GATD1: variants seen among roughly 807,000 people sequenced by gnomAD.
The protein encoded by GATD1 is glutamine amidotransferase class 1 domain containing 1, also known as glutamine amidotransferase-like class 1 domain-containing protein 1.
GATD1 carries 23 observed loss-of-function variants against 25.9 expected under a neutral mutation model. That is an observed-to-expected ratio of 0.89 (90% CI 0.64 to 1.26). GATD1 has a LOEUF of 1.26. Among genes scored for constraint, GATD1 ranks in the 50% most tolerant of loss-of-function variants. GATD1 has a pLI of 0.00. For synonymous variants in GATD1, 177 were observed against 134.6 expected (o/e 1.31, Z -2.18); for missense variants, 347 against 312.5 (o/e 1.11, Z -0.83).
In GATD1 at chr11:767,598, G is replaced by GC. The variant is rs1863126118; in HGVS notation, c.*3298dup. On this transcript the variant is annotated 3_prime_UTR_variant, in exon 8 of 8. Transcript: ENST00000319863. ...CAGAGGGGCTCAATGAGGCTCACTGGCTCTTCATGCACCCTGCTGTGGCCT... is the reference window on the plus strand; with the variant it reads ...CAGAGGGGCTCAATGAGGCTCACTGGCCTCTTCATGCACCCTGCTGTGGCCT... 2 of 1,395,542 alleles carry GC rather than the reference G, an allele frequency of 1.4e-6. No individual in the cohort carries two copies. The highest frequency in any genetic ancestry group is 6.5e-5 in the Admixed American group (2 of 30,540). 86.4% of individuals were successfully genotyped at this position (1,395,542 alleles called of 1,614,324 possible). A position where few individuals can be genotyped will look rare whatever the true frequency, so the allele number is the denominator to read the frequency against.
At position 775,240 on chromosome 11, in the gene GATD1, C is replaced by A. The variant is rs527274865; in HGVS notation, c.65-98G>T. The A allele has an allele frequency of 1.9e-4, 186 of 980,040 alleles. No homozygotes were observed. The African/African-American group carries it at 2.8e-3, about 15-fold the overall frequency. The allele number at this position is 980,040 out of a possible 1,614,324, so 60.7% of individuals were successfully genotyped here. On this transcript the variant is annotated intron_variant, in intron 1 of 7. Coordinates refer to ENST00000319863, the MANE Select transcript of GATD1 (RefSeq NM_182612.4). ...CCCATGGCCTCGACTGACCCCAGAA[C>A]ACGCTGAGGAGCAGCCCTCTCCCCT...
chr11:775,243 G>A (rs1863847391), intron 1 of GATD1, 101 bp from the exon 2 acceptor site: 9 of 946,418 alleles, frequency 9.5e-6, no homozygotes, highest in East Asian at 5.5e-5. Context: ...CCCAGAACAC[G>A]CTGAGGAGCA....
Position 769,528 on chromosome 11 carries a change from C to A in GATD1, c.*1369G>T, listed in dbSNP as rs1423788871. On this transcript the variant is annotated 3_prime_UTR_variant, in exon 8 of 8. Transcript: ENST00000319863. Reference sequence around the variant, plus strand: ...TTCACCATGTTGGCCAGGCTTTTCCCAAACTCCTGACTTCAGATGATCCAC... The same window carrying A: ...TTCACCATGTTGGCCAGGCTTTTCCAAAACTCCTGACTTCAGATGATCCAC... 1 of 157,020 alleles carries A rather than the reference C, an allele frequency of 6.4e-6. No individual in the cohort carries two copies. The highest frequency in any genetic ancestry group is 1.4e-5 in the Non-Finnish European group (1 of 72,478). The allele number at this position is 157,020 out of a possible 1,614,324, so 9.7% of individuals were successfully genotyped here. A position where few individuals can be genotyped will look rare whatever the true frequency, so the allele number is the denominator to read the frequency against.
chr11:768,683 T>G lies in GATD1; in HGVS notation c.*2214A>C, dbSNP rs1429188265. On this transcript the variant is annotated 3_prime_UTR_variant, in exon 8 of 8. Transcript: ENST00000319863. ...TAAAATAAAAATAAAAAAGTACTTG[T>G]TAGCCGGACGTGGCGGCTCACGCCT... The G allele has an allele frequency of 6.6e-6, 1 of 151,988 alleles. No individual in the cohort carries two copies. The highest frequency in any genetic ancestry group is 2.1e-4 in the South Asian group (1 of 4,822). The allele number at this position is 151,988 out of a possible 1,614,324, so 9.4% of individuals were successfully genotyped here.
At position 771,400 on chromosome 11, in the gene GATD1, G is replaced by T; in HGVS notation, c.477C>A (p.Ala159=). The T allele has an allele frequency of 6.4e-7, 1 of 1,559,980 alleles. No individual in the cohort carries two copies. Among genetic ancestry groups the T allele is most frequent in the Non-Finnish European group, 8.7e-7 (1 of 1,155,474 alleles). ...TGPSVCELVR[A]PGFARLPLVV... is the part of the protein sequence containing the mutation. ...CGAGCGGCAGGCGGGCGAAGCCGGG[G>T]GCCCTGACGAGCTCACACACAGAGG... The change falls in exon 6 of 8, where the codon GCC becomes GCA. Residue 159 remains alanine, a synonymous_variant. Coordinates refer to ENST00000319863, the MANE Select transcript of GATD1 (RefSeq NM_182612.4).
chr11:775,670 C>G (rs1044928605), intron 1 of GATD1, among the ~76,000 whole-genome samples: 1 of 152,238 alleles, frequency 6.6e-6, no homozygotes, highest in Non-Finnish European at 1.5e-5. Context: ...CCCCCCTCAC[C>G]CCTTCCAGGG....
Position 775,072 on chromosome 11 carries a change from G to T in GATD1, c.135C>A (p.Thr45=). The T allele has an allele frequency of 1.9e-6, 3 of 1,602,968 alleles. No homozygotes were observed. Residue 45 remains threonine, a synonymous_variant, in exon 2 of 8, where the codon ACC becomes ACA. Coordinates refer to ENST00000319863, the MANE Select transcript of GATD1 (RefSeq NM_182612.4). The part of the protein sequence containing the change: ...ASTAFNLQVA[T]PGGKAMEFVD... ...AAGGAGAGGCTGGACTTACCCCAGG[G>T]GTGGCCACCTGCAGGTTGAAGGCGG...
In GATD1 at chr11:767,271, C is replaced by G. The variant is rs1051788874; in HGVS notation, c.*3626G>C. The G allele has an allele frequency of 6.5e-7, 1 of 1,536,026 alleles. No individual in the cohort carries two copies. The highest frequency in any genetic ancestry group is 8.7e-7 in the Non-Finnish European group (1 of 1,146,908). ...TTCCTCATGGGTAGATGAACACACA[C>G]TGGTATATGGGGAAATCCTCACCCG... is the stretch of plus-strand genomic sequence containing the variant. On this transcript the variant is annotated 3_prime_UTR_variant, in exon 8 of 8. Transcript: ENST00000319863.
intron 4 of GATD1, among the ~76,000 whole-genome samples, chr11:772,829 C>G (rs768045123): frequency 6.6e-6 from 1 of 152,212 alleles, no homozygotes; most frequent in African/African-American, 2.4e-5. Flanking sequence ...TTTACCAAAC[C>G]CTAGGACGCT....
In GATD1 at chr11:770,369, G is replaced by C. The variant is rs879518386; in HGVS notation, c.*528C>G. 5.9e-6 allele frequency: 9 copies of C among 1,533,128 alleles called. No individual in the cohort carries two copies. Among genetic ancestry groups the C allele is most frequent in the Admixed American group, 4.0e-5 (2 of 50,392 alleles). 95.0% of individuals were successfully genotyped at this position (1,533,128 alleles called of 1,614,324 possible). A position where few individuals can be genotyped will look rare whatever the true frequency, so the allele number is the denominator to read the frequency against. On this transcript the variant is annotated 3_prime_UTR_variant, in exon 8 of 8. Transcript: ENST00000319863. ...TCAACAGGAAAGTGCTGCCAGTGCC[G>C]GTCGGCCTTGGGGCAGGAGGCTGCT... is the stretch of plus-strand genomic sequence containing the variant.
At chr11:773,255 G>A (rs1366069926) in intron 4 of GATD1, 1 of 439,308 alleles carries the variant, frequency 2.3e-6, no homozygotes, top group African/African-American at 2.1e-5. Context: ...TCAGGCCGGT[G>A]TCCTGCCTTG....
In GATD1 at chr11:771,486, G is replaced by C. The variant is rs763544539; in HGVS notation, c.451-60C>G. The C allele has an allele frequency of 3.4e-6, 5 of 1,473,310 alleles. No homozygotes were observed. The East Asian group carries it at 7.1e-5, about 21-fold the overall frequency. 91.3% of individuals were successfully genotyped at this position (1,473,310 alleles called of 1,614,324 possible). ...CCAGGCCCTGCGGCCCACCCCAGGGGTCAGGAAGGTCAAGTCAGGGCAGGG... is the reference window on the plus strand; with the variant it reads ...CCAGGCCCTGCGGCCCACCCCAGGGCTCAGGAAGGTCAAGTCAGGGCAGGG... On this transcript the variant is annotated intron_variant, in intron 5 of 7. Transcript: ENST00000319863.
chr11:773,543 G>A lies in GATD1; in HGVS notation c.334C>T (p.Gln112Ter), dbSNP rs990018370. The change falls in exon 4 of 8, where the codon CAG becomes TAG. Residue 112 changes from glutamine to a stop codon, truncating the protein, a stop_gained. Transcript: ENST00000319863. LOFTEE classifies it high-confidence loss of function. ...ASSGSLARIL[Q>*]HFHSESKPIC... is the part of the protein sequence containing the mutation. ...CTACTGCTCTCAGAGTGGAAGTGCT[G>A]CAGGATACGGGCCAGGGAGCCACTG... 9 of 1,610,480 alleles carry A rather than the reference G, an allele frequency of 5.6e-6. No homozygotes were observed. The highest frequency in any genetic ancestry group is 1.3e-5 in the African/African-American group (1 of 74,760).
At chr11:776,468 G>A (rs1407690001) in intron 1 of GATD1, among the ~76,000 whole-genome samples, 3 of 151,834 alleles carry the variant, frequency 2.0e-5, no homozygotes, top group Non-Finnish European at 4.4e-5. Flanking sequence ...ACCTCCTCAC[G>A]CCTACCTGCT....
At chr11:775,452 C>T (rs139370525) in intron 1 of GATD1, among the ~76,000 whole-genome samples, 15 of 152,362 alleles carry the variant, frequency 9.8e-5, no homozygotes, top group African/African-American at 3.6e-4. Flanking sequence ...CCTCCAGCCT[C>T]AGCCAGAAGC....
In GATD1 at chr11:771,314, G is replaced by T; in HGVS notation, c.544+19C>A. On this transcript the variant is annotated intron_variant, in intron 6 of 7. Transcript: ENST00000319863. ...CCACCCCATCTTCTGTAAGTGCAGGGGGCACCCTCGAGGCTCACCACTGAA... is the reference window on the plus strand; with the variant it reads ...CCACCCCATCTTCTGTAAGTGCAGGTGGCACCCTCGAGGCTCACCACTGAA... 6.2e-7 allele frequency: 1 copy of T among 1,604,864 alleles called. No individual in the cohort carries two copies. Among genetic ancestry groups the T allele is most frequent in the Non-Finnish European group, 8.5e-7 (1 of 1,176,194 alleles).
rs1478366532 is a variant in GATD1, at chr11:767,232, G to T, written c.*3665C>A. 1 of 1,535,450 alleles carries T rather than the reference G, an allele frequency of 6.5e-7. No individual in the cohort carries two copies. Among genetic ancestry groups the T allele is most frequent in the Non-Finnish European group, 8.7e-7 (1 of 1,146,548 alleles). ...AACACCAGGACACCATTTGCATGCT[G>T]CTGCATGGTTTTATTCCTCATGGGT... On this transcript the variant is annotated 3_prime_UTR_variant, in exon 8 of 8. Coordinates refer to ENST00000319863, the MANE Select transcript of GATD1 (RefSeq NM_182612.4).
At chr11:772,040 C>A (rs1333404656) in intron 5 of GATD1, among the ~76,000 whole-genome samples, 1 of 152,212 alleles carries the variant, frequency 6.6e-6, no homozygotes, top group Admixed American at 6.5e-5. Context: ...CTCAGATTGA[C>A]AAAGGCTGTG....
At chr11:773,445 C>G in intron 4 of GATD1, 77 bp downstream of exon 4, 1 of 1,222,446 alleles carries the variant, frequency 8.2e-7, no homozygotes, top group South Asian at 1.3e-5. Context: ...CTTCCCACCT[C>G]TCTTCTGCTG....
Sources: allele counts gnomAD v4.1 joint callset (sites outside exome capture counted in the v4.1 genomes callset), GRCh38; gene constraint gnomAD v4.1.1; transcripts MANE v1.5; gene names NCBI Gene and HGNC (gene_info 2026-07-23, HGNC 2026-07-21).